Variants in STK35 observed in about 807,000 individuals in gnomAD.
STK35 encodes the protein serine/threonine-protein kinase 35.
A neutral mutation model predicts 37.3 loss-of-function variants in STK35; 17 were observed. The observed-to-expected ratio is 0.46, with a 90% CI of 0.31 to 0.68. The LOEUF is 0.68. Ranked by LOEUF, STK35 falls within the 30% of genes least tolerant of loss-of-function variation. The pLI, the probability that STK35 is intolerant of heterozygous loss-of-function variation, is 0.05. For synonymous variants in STK35, 385 were observed against 319.1 expected (o/e 1.21, Z -2.20); for missense variants, 595 against 746.7 (o/e 0.80, Z 2.37).
Position 2,145,753 on chromosome 20 carries a change from C to T in STK35, c.*2007C>T, listed in dbSNP as rs986422385. On this transcript the variant is annotated 3_prime_UTR_variant, in exon 4 of 4. Transcript: ENST00000381482. ...CATCCCCTAATTGCAGTACACGGTT[C>T]CTTTTCCGCCCGCCACCCTGCCTTT... 6 of 152,224 alleles carry T rather than the reference C, an allele frequency of 3.9e-5. No homozygotes were observed. The highest frequency in any genetic ancestry group is 1.4e-4 in the African/African-American group (6 of 41,414). The allele number at this position is 152,224 out of a possible 1,614,324, so 9.4% of individuals were successfully genotyped here.
At chr20:2,126,252 T>TA (rs1985904219) in intron 3 of STK35, among the ~76,000 whole-genome samples, 1 of 152,208 alleles carries the variant, frequency 6.6e-6, no homozygotes, top group Non-Finnish European at 1.5e-5. Context: ...AGGCATTGAT[T>TA]GTTTAGACCC....
At chr20:2,104,511 C>T (rs1259331865) in intron 2 of STK35, among the ~76,000 whole-genome samples, 1 of 152,140 alleles carries the variant, frequency 6.6e-6, no homozygotes, top group African/African-American at 2.4e-5. Context: ...GCTTAAGTGA[C>T]GGGGATCCCA....
In STK35 at chr20:2,143,971, CCTCTT is replaced by C. The variant is rs1986214828; in HGVS notation, c.*226_*230del. 9.9e-6 allele frequency: 2 copies of C among 201,794 alleles called. No individual in the cohort carries two copies. Among genetic ancestry groups the C allele is most frequent in the South Asian group, 8.2e-5 (2 of 24,538 alleles). The allele number at this position is 201,794 out of a possible 1,614,324, so 12.5% of individuals were successfully genotyped here. ...TCCTTTTCTTTTCTTTTTTTTTTTT[CCTCTT>C]TCCTTTTTTTAAATTTAAACCATTG... On this transcript the variant is annotated 3_prime_UTR_variant, in exon 4 of 4. Transcript: ENST00000381482.
At chr20:2,130,566 G>A (rs1252489596) in intron 3 of STK35, among the ~76,000 whole-genome samples, 1 of 152,168 alleles carries the variant, frequency 6.6e-6, no homozygotes, top group African/African-American at 2.4e-5. Flanking sequence ...GCTCTCCAGT[G>A]TGGGCATCTC....
chr20:2,121,571 C>T (rs1985817878), intron 3 of STK35, among the ~76,000 whole-genome samples: 1 of 152,112 alleles, frequency 6.6e-6, no homozygotes, highest in Non-Finnish European at 1.5e-5. Flanking sequence ...GTAGAGTAGG[C>T]AGTTGGATGA....
chr20:2,113,379 C>G (rs1985655670), intron 2 of STK35, among the ~76,000 whole-genome samples: 1 of 152,178 alleles, frequency 6.6e-6, no homozygotes, highest in Non-Finnish European at 1.5e-5. Flanking sequence ...AGGGCCTTGG[C>G]TGGTCAGAAG....
intron 1 of STK35, 47 bp downstream of exon 1, chr20:2,102,222 T>G (rs1002071165): frequency 3.7e-6 from 5 of 1,365,996 alleles, no homozygotes; most frequent in Non-Finnish European, 4.7e-6. Flanking sequence ...AGGCTGGAGT[T>G]ACTGCCACTG....
chr20:2,112,143 G>A (rs1383441756), intron 2 of STK35, among the ~76,000 whole-genome samples: 1 of 152,218 alleles, frequency 6.6e-6, no homozygotes, highest in African/African-American at 2.4e-5. Context: ...TTCTGGAGAA[G>A]GCTTAAGGAT....
intron 1 of STK35, 75 bp from the exon 2 acceptor site, chr20:2,102,693 G>A: frequency 2.4e-6 from 3 of 1,271,754 alleles, no homozygotes; most frequent in Non-Finnish European, 3.0e-6. Flanking sequence ...GGAGGAGGAG[G>A]TGGGACGCCC....
At chr20:2,134,838 C>T (rs1430809478) in intron 3 of STK35, among the ~76,000 whole-genome samples, 2 of 152,070 alleles carry the variant, frequency 1.3e-5, no homozygotes, top group South Asian at 2.1e-4. Context: ...TTGCAGTGAG[C>T]CGAGATTGTG....
intron 2 of STK35, among the ~76,000 whole-genome samples, chr20:2,107,568 T>C (rs185598159): frequency 7.6e-4 from 116 of 152,290 alleles, no homozygotes; most frequent in Non-Finnish European, 1.3e-3. Flanking sequence ...TGGTAGCATC[T>C]TAGAAAATAG....
At chr20:2,128,620 C>T (rs1367628676) in intron 3 of STK35, among the ~76,000 whole-genome samples, 2 of 152,116 alleles carry the variant, frequency 1.3e-5, no homozygotes, top group Admixed American at 6.5e-5. Flanking sequence ...AATTTAACCT[C>T]TCCGTGGGCT....
intron 2 of STK35, among the ~76,000 whole-genome samples, chr20:2,116,072 A>G (rs1254716930): frequency 6.6e-6 from 1 of 152,162 alleles, no homozygotes; most frequent in Non-Finnish European, 1.5e-5. Flanking sequence ...ATAGAGGTGG[A>G]GGCATGTTAT....
In STK35 at chr20:2,103,077, T is replaced by C; in HGVS notation, c.604T>C (p.Tyr202His). 6.3e-7 allele frequency: 1 copy of C among 1,593,612 alleles called. No individual in the cohort carries two copies. The highest frequency in any genetic ancestry group is 8.5e-7 in the Non-Finnish European group (1 of 1,176,822). ...CGGTGGCGGGTCCGCGCGGCCGCGTTACAGCCTGTTGGCGGAGATCGGGCG... is the reference window on the plus strand; with the variant it reads ...CGGTGGCGGGTCCGCGCGGCCGCGTCACAGCCTGTTGGCGGAGATCGGGCG... ...EGGGGSARPR[Y>H]SLLAEIGRGS... Residue 202 changes from tyrosine to histidine, a missense_variant, in exon 2 of 4, where the codon TAC becomes CAC. By Grantham distance (83) the Tyr-to-His change is moderately conservative. Transcript: ENST00000381482.
intron 2 of STK35, among the ~76,000 whole-genome samples, chr20:2,113,591 A>C (rs994236158): frequency 2.6e-5 from 4 of 152,156 alleles, no homozygotes; most frequent in African/African-American, 9.7e-5. Context: ...TCTTAGATGG[A>C]ATAATACACT....
In STK35 at chr20:2,101,904, T is replaced by A. The variant is rs544328401; in HGVS notation, c.23T>A (p.Leu8Gln). 6.9e-7 allele frequency: 1 copy of A among 1,459,132 alleles called. No individual in the cohort carries two copies. Among genetic ancestry groups the A allele is most frequent in the East Asian group, 2.7e-5 (1 of 37,044 alleles). 90.4% of individuals were successfully genotyped at this position (1,459,132 alleles called of 1,614,324 possible). The change falls in exon 1 of 4, where the codon CTG (leucine) becomes CAG (glutamine). Residue 8 changes from leucine to glutamine, a missense_variant. Physicochemically the swap from Leu to Gln is moderately radical, Grantham distance 113 (BLOSUM62 -2). Transcript: ENST00000381482. MGHQESP[L>Q]ARAPAGGAAY... ...GGGATGGGCCACCAGGAGTCTCCGC[T>A]GGCCCGGGCGCCGGCGGGAGGTGCA...
chr20:2,123,630 A>T (rs959973436), intron 3 of STK35, among the ~76,000 whole-genome samples: 1 of 152,254 alleles, frequency 6.6e-6, no homozygotes, highest in Non-Finnish European at 1.5e-5. Flanking sequence ...TACCAAGTTA[A>T]TCAGCAGTGA....
intron 2 of STK35, among the ~76,000 whole-genome samples, chr20:2,111,553 C>T (rs1360950211): frequency 6.6e-6 from 1 of 152,036 alleles, no homozygotes; most frequent in Non-Finnish European, 1.5e-5. Context: ...AAAAGAATAG[C>T]CGGGCGTGGT....
intron 2 of STK35, 54 bp downstream of exon 2, chr20:2,103,419 C>T: frequency 6.5e-7 from 1 of 1,542,456 alleles, no homozygotes; most frequent in Admixed American, 1.8e-5. Context: ...CCCTGCTCTC[C>T]GGACGGCTTG....
Sources: gnomAD v4.1 joint callset for allele counts (sites outside exome capture counted in the v4.1 genomes callset) on GRCh38, gnomAD v4.1.1 for gene constraint, MANE v1.5 for transcripts, NCBI Gene and HGNC (gene_info 2026-07-23, HGNC 2026-07-21) for gene names.